Variants in MMP11 observed in about 807,000 individuals in gnomAD.
MMP11 encodes stromelysin-3.
A neutral mutation model predicts 49.5 loss-of-function variants in MMP11; 26 were observed. That is an observed-to-expected ratio of 0.52 (90% CI 0.38 to 0.73). The LOEUF is 0.73. MMP11 is among the 30% of genes least tolerant of loss of function. MMP11 has a pLI of 0.00. For synonymous variants in MMP11, 265 were observed against 282.3 expected (o/e 0.94, Z 0.62); for missense variants, 624 against 671.2 (o/e 0.93, Z 0.78).
chr22:23,779,064 T>C (rs1203814991), intron 1 of MMP11, 123 bp from the exon 2 acceptor site: 2 of 764,640 alleles, frequency 2.6e-6, no homozygotes, highest in Non-Finnish European at 4.2e-6. Context: ...CCTTTCCCTC[T>C]CCATTTGCCC....
intron 1 of MMP11, among the ~76,000 whole-genome samples, chr22:23,775,043 C>G (rs999647223): frequency 6.6e-6 from 1 of 152,190 alleles, no homozygotes; most frequent in Non-Finnish European, 1.5e-5. Context: ...CACCACAGGG[C>G]AGGCCAAGGG....
chr22:23,783,260 G>A (rs1023211317), intron 7 of MMP11, 151 bp from the exon 8 acceptor site: 12 of 905,350 alleles, frequency 1.3e-5, no homozygotes, highest in African/African-American at 3.4e-5. Flanking sequence ...CTGAAAGGCC[G>A]GCCCTGGATC....
chr22:23,783,630 G>T lies in MMP11; in HGVS notation c.*86G>T. ...GACCCATGGCCATCTTTGTGGCTGTGGGCACCAGGCATGGGACTGAGCCCA... is the reference window on the plus strand; with the variant it reads ...GACCCATGGCCATCTTTGTGGCTGTTGGCACCAGGCATGGGACTGAGCCCA... On this transcript the variant is annotated 3_prime_UTR_variant, in exon 8 of 8. Coordinates refer to ENST00000215743, the MANE Select transcript of MMP11 (RefSeq NM_005940.5). The T allele has an allele frequency of 6.4e-7, 1 of 1,564,744 alleles. No homozygotes were observed. Among genetic ancestry groups the T allele is most frequent in the Non-Finnish European group, 8.8e-7 (1 of 1,141,556 alleles).
rs373728995 is a variant in MMP11 at position 23,780,828 on chromosome 22, C to T, written c.617-31C>T. On this transcript the variant is annotated intron_variant, in intron 4 of 7. Transcript: ENST00000215743. The surrounding 1 kb of genome is among the most constrained non-coding windows in gnomAD (Gnocchi z 4.6). ...AGCTGGATGTCCTGGGCAGGAGGTTCGGGGGTTGCTGAGCCACCTCCCTTT... is the reference window on the plus strand; with the variant it reads ...AGCTGGATGTCCTGGGCAGGAGGTTTGGGGGTTGCTGAGCCACCTCCCTTT... The T allele has an allele frequency of 4.1e-5, 65 of 1,599,110 alleles. No homozygotes were observed. Among genetic ancestry groups the T allele is most frequent in the South Asian group, 1.1e-4 (10 of 87,970 alleles).
intron 7 of MMP11, 144 bp downstream of exon 7, chr22:23,782,627 T>G (rs1601376373): frequency 9.7e-7 from 1 of 1,027,406 alleles, no homozygotes; most frequent in East Asian, 2.6e-5. Context: ...TGCCCTCCTC[T>G]CGGTGGCCGG....
At chr22:23,781,479 C>G (rs1350343801) in intron 6 of MMP11, 70 bp downstream of exon 6, 10 of 1,392,380 alleles carry the variant, frequency 7.2e-6, no homozygotes, top group Non-Finnish European at 4.9e-6. Context: ...AGGGCAGGAA[C>G]AGACAGATGG....
intron 2 of MMP11, 152 bp downstream of exon 2, chr22:23,779,568 G>A: frequency 1.4e-6 from 1 of 696,348 alleles, no homozygotes. Context: ...GGTCATCTAT[G>A]GGCAAACCCC....
chr22:23,780,751 C>T lies in MMP11; in HGVS notation c.616+36C>T, dbSNP rs1417979670. The T allele has an allele frequency of 1.9e-6, 3 of 1,549,796 alleles. No individual in the cohort carries two copies. The East Asian group carries it at 6.8e-5, about 35-fold the overall frequency. The stretch of plus-strand genomic sequence containing the variant: ...GGGACCCATTTTCCAGATGGGGCAA[C>T]CGAAGATCATAAAGAATGGGGACTC... On this transcript the variant is annotated intron_variant, in intron 4 of 7. Transcript: ENST00000215743. The surrounding 1 kb of genome is among the most constrained non-coding windows in gnomAD (Gnocchi z 4.6).
At position 23,784,218 on chromosome 22, in the gene MMP11, C is replaced by G. The variant is rs980555128; in HGVS notation, c.*674C>G. ...AAGCCCTTTTCGCAGCACTGCTATCCTCCAAAGCCATTGTAAATGTGTGTA... is the reference window on the plus strand; with the variant it reads ...AAGCCCTTTTCGCAGCACTGCTATCGTCCAAAGCCATTGTAAATGTGTGTA... On this transcript the variant is annotated 3_prime_UTR_variant, in exon 8 of 8. Transcript: ENST00000215743. 6.5e-6 allele frequency: 1 copy of G among 154,254 alleles called. No homozygotes were observed. The highest frequency in any genetic ancestry group is 1.4e-5 in the Non-Finnish European group (1 of 69,070). The allele number at this position is 154,254 out of a possible 1,614,324, so 9.6% of individuals were successfully genotyped here.
At chr22:23,779,788 G>C (rs1927549967) in intron 2 of MMP11, 1 of 320,450 alleles carries the variant, frequency 3.1e-6, no homozygotes, top group African/African-American at 2.1e-5. Flanking sequence ...GTCAGTCTGA[G>C]GTGGGTGTCA....
Position 23,772,908 on chromosome 22 carries a change from G to C in MMP11, c.38G>C (p.Arg13Pro). 8.5e-7 allele frequency: 1 copy of C among 1,175,994 alleles called. No homozygotes were observed. Among genetic ancestry groups the C allele is most frequent in the Non-Finnish European group, 1.1e-6 (1 of 951,838 alleles). 72.8% of individuals were successfully genotyped at this position (1,175,994 alleles called of 1,614,324 possible). The stretch of plus-strand genomic sequence containing the variant: ...GCCTGGCTCCGCAGCGCGGCCGCGC[G>C]CGCCCTCCTGCCCCCGATGCTGCTG... ...PAAWLRSAAA[R>P]ALLPPMLLLL... Residue 13 changes from arginine to proline, a missense_variant, in exon 1 of 8, where the codon CGC becomes CCC. Transcript: ENST00000215743.
intron 7 of MMP11, chr22:23,782,696 T>G: frequency 3.2e-6 from 2 of 634,884 alleles, no homozygotes; most frequent in Non-Finnish European, 5.4e-6. Flanking sequence ...GTGCAAGGTC[T>G]TACCCTGGTT....
At chr22:23,782,173 G>A (rs574330882) in intron 6 of MMP11, 53 bp from the exon 7 acceptor site, 66 of 1,580,720 alleles carry the variant, frequency 4.2e-5, no homozygotes, top group Non-Finnish European at 5.2e-5. Flanking sequence ...CCACAGTGGC[G>A]GGGCATGGCA....
Position 23,781,406 on chromosome 22 carries a change from C to T in MMP11, c.1072C>T (p.Gln358Ter). The T allele has an allele frequency of 6.3e-7, 1 of 1,598,092 alleles. No homozygotes were observed. The highest frequency in any genetic ancestry group is 1.1e-5 in the South Asian group (1 of 89,414). The change falls in exon 6 of 8, where the codon CAA becomes TAA. Residue 358 changes from glutamine to a stop codon, truncating the protein, a stop_gained. Coordinates refer to ENST00000215743, the MANE Select transcript of MMP11 (RefSeq NM_005940.5). LOFTEE classifies it high-confidence loss of function. ...TGCCCAGGGCCACATTTGGTTCTTCCAAGGTGAGTGGGGGTTGGGGATCTG... is the reference window on the plus strand; with the variant it reads ...TGCCCAGGGCCACATTTGGTTCTTCTAAGGTGAGTGGGGGTTGGGGATCTG... ...EDAQGHIWFF[Q>*]GAQYWVYDGE...
At chr22:23,776,498 G>A (rs1235483280) in intron 1 of MMP11, among the ~76,000 whole-genome samples, 2 of 152,200 alleles carry the variant, frequency 1.3e-5, no homozygotes, top group African/African-American at 4.8e-5. Context: ...AAAATGCCCG[G>A]GAAATAGCAG....
chr22:23,782,266 G>T lies in MMP11; in HGVS notation c.1116G>T (p.Leu372=). The stretch of plus-strand genomic sequence containing the variant: ...TGTACGACGGTGAAAAGCCAGTCCT[G>T]GGCCCCGCACCCCTCACCGAGCTGG... ...YWVYDGEKPV[L]GPAPLTELGL... The change falls in exon 7 of 8, where the codon CTG becomes CTT. Residue 372 remains leucine (L), a synonymous_variant. Coordinates refer to ENST00000215743, the MANE Select transcript of MMP11 (RefSeq NM_005940.5). 6.2e-7 allele frequency: 1 copy of T among 1,613,638 alleles called. No individual in the cohort carries two copies. Among genetic ancestry groups the T allele is most frequent in the Non-Finnish European group, 8.5e-7 (1 of 1,179,950 alleles).
chr22:23,782,504 C>T, intron 7 of MMP11, 21 bp downstream of exon 7: 1 of 1,590,646 alleles, frequency 6.3e-7, no homozygotes, highest in Non-Finnish European at 8.6e-7. Context: ...GGTGAGGCAG[C>T]TGGTGGGAGG....
rs1259354502 is a variant in MMP11, at chr22:23,780,661, G to A, written c.562G>A (p.Glu188Lys). ...AHAFFPKTHR[E>K]GDVHFDYDET... ...TGCCTTCTTCCCCAAGACTCACCGA[G>A]AAGGGGATGTCCACTTCGACTATGA... Residue 188 changes from glutamate (E) to lysine (K), a missense_variant, in exon 4 of 8, where the codon GAA becomes AAA. By Grantham distance (56) the Glu-to-Lys change is moderately conservative. Coordinates refer to ENST00000215743, the MANE Select transcript of MMP11 (RefSeq NM_005940.5). The surrounding 1 kb of genome is among the most constrained non-coding windows in gnomAD (Gnocchi z 4.6). 6.3e-7 allele frequency: 1 copy of A among 1,582,262 alleles called. No homozygotes were observed. Among genetic ancestry groups the A allele is most frequent in the Non-Finnish European group, 8.6e-7 (1 of 1,166,434 alleles).
chr22:23,779,465 G>C (rs763869680), intron 2 of MMP11, 49 bp downstream of exon 2: 46 of 1,498,552 alleles, frequency 3.1e-5, no homozygotes, highest in Non-Finnish European at 3.7e-5. Flanking sequence ...GTGTCCGTGG[G>C]TAAGCCAGCT....
Sources: allele counts gnomAD v4.1 joint callset (sites outside exome capture counted in the v4.1 genomes callset), GRCh38; gene constraint gnomAD v4.1.1; non-coding constraint Gnocchi (gnomAD v3.1); transcripts MANE v1.5; gene names NCBI Gene and HGNC (gene_info 2026-07-23, HGNC 2026-07-21).